FAM221B: variants seen among roughly 807,000 people sequenced by gnomAD.
The protein encoded by FAM221B is family with sequence similarity 221 member B, also known as protein FAM221B.
A neutral mutation model predicts 39.8 loss-of-function variants in FAM221B; 35 were observed. That is an observed-to-expected ratio of 0.88 (90% CI 0.67 to 1.17). The LOEUF (loss-of-function observed/expected upper bound fraction) is 1.17. Ranked by LOEUF, FAM221B falls within the 50% of genes most tolerant of loss-of-function variation. FAM221B has a pLI of 0.00. For synonymous variants in FAM221B, 158 were observed against 178.1 expected (o/e 0.89, Z 0.90); for missense variants, 479 against 503.1 (o/e 0.95, Z 0.46).
In FAM221B at chr9:35,825,923, A is replaced by T. The variant is rs1256685589; in HGVS notation, c.239T>A (p.Ile80Asn). The T allele has an allele frequency of 6.2e-7, 1 of 1,614,002 alleles. No individual in the cohort carries two copies. The highest frequency in any genetic ancestry group is 8.5e-7 in the Non-Finnish European group (1 of 1,179,978). Residue 80 changes from isoleucine (I) to asparagine (N), a missense_variant, in exon 2 of 7, where the codon ATC (isoleucine) becomes AAC (asparagine). Coordinates refer to ENST00000423537, the MANE Select transcript of FAM221B (RefSeq NM_001012446.4). The surrounding 1 kb of genome is among the most constrained non-coding windows in gnomAD (Gnocchi z 4.2). ...AGGGGTCTCTGAAGGAGTCTCAGAG[A>T]TGGAAGGCTCCTGATGGGTTTCAGG... is the stretch of plus-strand genomic sequence containing the variant. The part of the protein sequence containing the change: ...HSPETHQEPS[I>N]SETPSETPTY...
intron 3 of FAM221B, among the ~76,000 whole-genome samples, chr9:35,823,562 A>T (rs1829200609): frequency 6.6e-6 from 1 of 152,252 alleles, no homozygotes; most frequent in South Asian, 2.1e-4. Flanking sequence ...CTTCCTGTTT[A>T]AACAGGAAGA....
At position 35,825,278 on chromosome 9, in the gene FAM221B, T is replaced by G; in HGVS notation, c.694A>C (p.Asn232His). 1 of 1,614,222 alleles carries G rather than the reference T, an allele frequency of 6.2e-7. No homozygotes were observed. Among genetic ancestry groups the G allele is most frequent in the Non-Finnish European group, 8.5e-7 (1 of 1,180,032 alleles). Residue 232 changes from asparagine (N) to histidine (H), a missense_variant, in exon 3 of 7, where the codon AAT becomes CAT. Asn to His is a moderately conservative substitution (Grantham distance 68). Coordinates refer to ENST00000423537, the MANE Select transcript of FAM221B (RefSeq NM_001012446.4). This position sits in a 1 kb window ranked among gnomAD's most constrained non-coding sequence, Gnocchi z 4.2. ...GCATCCTTCTCCCACTGGAAAAGAT[T>G]GTTCACTTGAGCACCAAACTCCTCT... ...HREEFGAQVN[N>H]LFQWEKDAAL...
chr9:35,828,533 G>T lies in FAM221B; in HGVS notation c.-71C>A. On this transcript the variant is annotated 5_prime_UTR_variant, in exon 1 of 7. Transcript: ENST00000423537. The surrounding 1 kb of genome is among the most constrained non-coding windows in gnomAD (Gnocchi z 4.5). ...TTGACTTAGGATGGCAGGGGGAGGT[G>T]TTGATCCTCAGGGAGGAAAGGCTCT... The T allele has an allele frequency of 1.0e-6, 1 of 985,526 alleles. No homozygotes were observed. The allele number at this position is 985,526 out of a possible 1,614,324, so 61.0% of individuals were successfully genotyped here.
Position 35,819,264 on chromosome 9 carries a change from G to A in FAM221B, c.984C>T (p.Ala328=), listed in dbSNP as rs368030948. 1.1e-4 allele frequency: 163 copies of A among 1,551,604 alleles called. No homozygotes were observed. The highest frequency in any genetic ancestry group is 1.6e-4 in the Admixed American group (8 of 50,988). ...RATFDPKAWR[A]QCRCKHSHEE... Reference sequence around the variant, plus strand: ...CGTGGCTGTGTTTGCAGCGACATTGGGCCCTCCAGGCCTTGGGGTCAAAGG... The same window carrying A: ...CGTGGCTGTGTTTGCAGCGACATTGAGCCCTCCAGGCCTTGGGGTCAAAGG... The change falls in exon 5 of 7, where the codon GCC becomes GCT. Residue 328 remains alanine (A), a synonymous_variant. Transcript: ENST00000423537.
chr9:35,818,588 G>T, intron 6 of FAM221B, 82 bp from the exon 7 acceptor site: 1 of 1,382,578 alleles, frequency 7.2e-7, no homozygotes, highest in Non-Finnish European at 1.0e-6. Context: ...GTGAACCAGG[G>T]AGCCCCGGGG....
At position 35,828,262 on chromosome 9, in the gene FAM221B, A is replaced by C. The variant is rs1011387960; in HGVS notation, c.-1+201T>G. Among the ~76,000 whole-genome samples, 1 of 151,892 alleles carries C rather than the reference A, an allele frequency of 6.6e-6. No homozygotes were observed. The highest frequency in any genetic ancestry group is 1.5e-5 in the Non-Finnish European group (1 of 67,992). On this transcript the variant is annotated intron_variant, in intron 1 of 6. Transcript: ENST00000423537. The surrounding 1 kb of genome is among the most constrained non-coding windows in gnomAD (Gnocchi z 4.5). Reference sequence around the variant, plus strand: ...AGCCCAGATCGCACCACTGCACTCCAGCCTGGGGGACAGAGCGAGACTCTG... The same window carrying C: ...AGCCCAGATCGCACCACTGCACTCCCGCCTGGGGGACAGAGCGAGACTCTG...
At chr9:35,818,561 G>A in intron 6 of FAM221B, 55 bp from the exon 7 acceptor site, 1 of 1,518,786 alleles carries the variant, frequency 6.6e-7, no homozygotes, top group African/African-American at 1.4e-5. Context: ...CAGAAGGGAG[G>A]CCAGGCTGGA....
rs1222164658 is a variant in FAM221B at position 35,828,706 on chromosome 9, T to G, written c.-244A>C. On this transcript the variant is annotated 5_prime_UTR_variant, in exon 1 of 7. Coordinates refer to ENST00000423537, the MANE Select transcript of FAM221B (RefSeq NM_001012446.4). The surrounding 1 kb of genome is among the most constrained non-coding windows in gnomAD (Gnocchi z 4.5). The stretch of plus-strand genomic sequence containing the variant: ...GGGAAGTGGGTAGGGACAAGGGGTC[T>G]AGGGCCAATGAGGGAGGGTCTTGAC... 1.0e-6 allele frequency: 1 copy of G among 985,324 alleles called. No individual in the cohort carries two copies. The highest frequency in any genetic ancestry group is 1.2e-6 in the Non-Finnish European group (1 of 829,992). The allele number at this position is 985,324 out of a possible 1,614,324, so 61.0% of individuals were successfully genotyped here.
Position 35,818,392 on chromosome 9 carries a change from G to T in FAM221B, c.*77C>A. 7.4e-7 allele frequency: 1 copy of T among 1,354,900 alleles called. No individual in the cohort carries two copies. Among genetic ancestry groups the T allele is most frequent in the Non-Finnish European group, 1.0e-6 (1 of 968,264 alleles). 83.9% of individuals were successfully genotyped at this position (1,354,900 alleles called of 1,614,324 possible). On this transcript the variant is annotated 3_prime_UTR_variant, in exon 7 of 7. Transcript: ENST00000423537. ...TAAGTTATTAGGCAGTCTCTCCCTG[G>T]GCTGGGATCTACCTGCCCCATATAG...
chr9:35,821,619 C>T lies in FAM221B; in HGVS notation c.743-1619G>A, dbSNP rs767156431. On this transcript the variant is annotated intron_variant, in intron 3 of 6. Transcript: ENST00000423537. ...AGCCAGGATTCCACTAGAGGAGTTCCGAATTCTGTCTGGAGTAGCAGGATA... is the reference window on the plus strand; with the variant it reads ...AGCCAGGATTCCACTAGAGGAGTTCTGAATTCTGTCTGGAGTAGCAGGATA... 1.2e-5 allele frequency: 16 copies of T among 1,367,272 alleles called. No homozygotes were observed. In the East Asian group the frequency reaches 2.7e-4, roughly 23 times the overall value. The allele number at this position is 1,367,272 out of a possible 1,614,324, so 84.7% of individuals were successfully genotyped here. A position where few individuals can be genotyped will look rare whatever the true frequency, so the allele number is the denominator to read the frequency against.
intron 3 of FAM221B, among the ~76,000 whole-genome samples, chr9:35,824,712 C>T (rs1007341477): frequency 1.4e-5 from 2 of 146,840 alleles, no homozygotes; most frequent in Non-Finnish European, 1.5e-5. Flanking sequence ...GACGGAGTCT[C>T]GCTCTGTTGC....
At chr9:35,822,694 G>C (rs888256948) in intron 3 of FAM221B, among the ~76,000 whole-genome samples, 2 of 152,130 alleles carry the variant, frequency 1.3e-5, no homozygotes, top group Admixed American at 6.5e-5. Flanking sequence ...GGTGGTAGCC[G>C]CTGCGCTCGG....
At position 35,818,897 on chromosome 9, in the gene FAM221B, C is replaced by A. The variant is rs186035105; in HGVS notation, c.1164G>T (p.Arg388Ser). 2.6e-4 allele frequency: 398 copies of A among 1,551,862 alleles called. No homozygotes were observed. Among genetic ancestry groups the A allele is most frequent in the Non-Finnish European group, 3.3e-4 (383 of 1,147,048 alleles). ...CCCAGGTTTCTGCCTCACCGCGAGGCCTTCCTCCTCGTTGCCGGGTCTTCT... is the reference window on the plus strand; with the variant it reads ...CCCAGGTTTCTGCCTCACCGCGAGGACTTCCTCCTCGTTGCCGGGTCTTCT... Reference protein sequence around the residue: ...DTQKTRQRGGRPRGTDTVSNW... With the variant: ...DTQKTRQRGGSPRGTDTVSNW... Residue 388 changes from arginine to serine, a missense_variant, in exon 6 of 7, where the codon AGG becomes AGT. Coordinates refer to ENST00000423537, the MANE Select transcript of FAM221B (RefSeq NM_001012446.4).
intron 1 of FAM221B, among the ~76,000 whole-genome samples, chr9:35,826,363 C>T (rs1829360701): frequency 6.6e-6 from 1 of 152,182 alleles, no homozygotes; most frequent in Non-Finnish European, 1.5e-5. Flanking sequence ...CCTCATATGG[C>T]ATGCTGCTGT....
chr9:35,821,675 A>T (rs746012304), intron 3 of FAM221B: 2 of 1,329,076 alleles, frequency 1.5e-6, no homozygotes, highest in Admixed American at 3.8e-5. Context: ...AGGCCCAAAG[A>T]TCAAGGCCTG....
chr9:35,819,140 A>G, intron 5 of FAM221B, 57 bp downstream of exon 5: 1 of 1,534,016 alleles, frequency 6.5e-7, no homozygotes, highest in East Asian at 2.5e-5. Flanking sequence ...TTATCCCCAG[A>G]TTGCATCCTA....
chr9:35,824,215 T>C (rs755023839), intron 3 of FAM221B, among the ~76,000 whole-genome samples: 4 of 152,220 alleles, frequency 2.6e-5, no homozygotes, highest in Non-Finnish European at 5.9e-5. Flanking sequence ...ATAACATCTA[T>C]TGAATTCAGT....
Position 35,825,491 on chromosome 9 carries a change from A to G in FAM221B, c.598+73T>C. On this transcript the variant is annotated intron_variant, in intron 2 of 6. Coordinates refer to ENST00000423537, the MANE Select transcript of FAM221B (RefSeq NM_001012446.4). The surrounding 1 kb of genome is among the most constrained non-coding windows in gnomAD (Gnocchi z 4.2). ...TCCTGGGGCAAGTCAAGGACAGTGA[A>G]TAGTAGTGAGAACAGGACAGGGGAG... is the stretch of plus-strand genomic sequence containing the variant. 2 of 1,576,138 alleles carry G rather than the reference A, an allele frequency of 1.3e-6. No individual in the cohort carries two copies. The highest frequency in any genetic ancestry group is 1.7e-6 in the Non-Finnish European group (2 of 1,154,450).
Position 35,818,798 on chromosome 9 carries a change from T to C in FAM221B, c.1171+92A>G. 5 of 1,517,582 alleles carry C rather than the reference T, an allele frequency of 3.3e-6. No individual in the cohort carries two copies. In the East Asian group the frequency reaches 7.4e-5, roughly 22 times the overall value. The allele number at this position is 1,517,582 out of a possible 1,614,324, so 94.0% of individuals were successfully genotyped here. A position where few individuals can be genotyped will look rare whatever the true frequency, so the allele number is the denominator to read the frequency against. ...GTGGGCTGAGGGAGCGCGCTAGTCC[T>C]GGAAGGGATGGTTGAGGATGGGAGT... is the stretch of plus-strand genomic sequence containing the variant. On this transcript the variant is annotated intron_variant, in intron 6 of 6. Transcript: ENST00000423537.
Sources: gnomAD v4.1 joint callset for allele counts (sites outside exome capture counted in the v4.1 genomes callset) on GRCh38, gnomAD v4.1.1 for gene constraint, Gnocchi (gnomAD v3.1) non-coding constraint, MANE v1.5 for transcripts, NCBI Gene and HGNC (gene_info 2026-07-23, HGNC 2026-07-21) for gene names.